Variants in SLC22A23 observed in about 807,000 individuals in gnomAD.
SLC22A23 encodes the protein ion transporter protein.
SLC22A23 carries 26 observed loss-of-function variants against 61.0 expected under a neutral mutation model. That is an observed-to-expected ratio of 0.43 (90% CI 0.31 to 0.59). The LOEUF (loss-of-function observed/expected upper bound fraction) is 0.59, where lower values mean the gene tolerates loss of function less well. SLC22A23 is among the 20% of genes least tolerant of loss of function. SLC22A23 has a pLI of 0.11. For missense variants in SLC22A23, 796 were observed against 934.7 expected (o/e 0.85, Z 1.94); for synonymous variants, 430 against 413.9 (o/e 1.04, Z -0.47).
At chr6:3,312,852 C>T (rs1403073173) in intron 4 of SLC22A23, 2 of 152,350 alleles carry the variant, frequency 1.3e-5, no homozygotes, top group East Asian at 3.9e-4. Context: ...TACATGTGCA[C>T]ACATGCACAC....
chr6:3,362,150 T>G (rs1164760637), intron 3 of SLC22A23, among the ~76,000 whole-genome samples: 2 of 151,822 alleles, frequency 1.3e-5, no homozygotes, highest in Non-Finnish European at 2.9e-5. Context: ...ACGCCTGTAA[T>G]CCTAGGACTT....
rs560142303 is a variant in SLC22A23, at chr6:3,423,853, C to T, written c.655-7998G>A. Among the ~76,000 whole-genome samples the T allele has an allele frequency of 1.7e-3, 253 of 152,296 alleles. 1 individual carries two copies. The highest frequency in any genetic ancestry group is 5.7e-3 in the African/African-American group (237 of 41,560). ...ACATTTAAGATGTCCCCATCAATTCCGGAAGAGAGCCAGTGGTGGGGAACT... is the reference window on the plus strand; with the variant it reads ...ACATTTAAGATGTCCCCATCAATTCTGGAAGAGAGCCAGTGGTGGGGAACT... On this transcript the variant is annotated intron_variant, in intron 1 of 9. Transcript: ENST00000406686.
At chr6:3,282,056 C>T (rs1217996675) in intron 9 of SLC22A23, among the ~76,000 whole-genome samples, 1 of 152,176 alleles carries the variant, frequency 6.6e-6, no homozygotes, top group Non-Finnish European at 1.5e-5. Flanking sequence ...TACCAACTGC[C>T]AGAGTTAAGG....
intron 1 of SLC22A23, chr6:3,438,503 C>CA: frequency 2.2e-6 from 1 of 456,740 alleles, no homozygotes; most frequent in Non-Finnish European, 4.4e-6. Flanking sequence ...CGGCCTCCAG[C>CA]GCTTGGTGTC....
chr6:3,310,066 A>G (rs1220313010), intron 4 of SLC22A23, among the ~76,000 whole-genome samples: 1 of 152,238 alleles, frequency 6.6e-6, no homozygotes, highest in African/African-American at 2.4e-5. Flanking sequence ...AGAGATTTCT[A>G]TGGAAAATGT....
At chr6:3,419,487 T>C (rs1205604870) in intron 1 of SLC22A23, among the ~76,000 whole-genome samples, 1 of 152,192 alleles carries the variant, frequency 6.6e-6, no homozygotes, top group Non-Finnish European at 1.5e-5. Context: ...GTGTGCAACC[T>C]TGTTCGAATT....
Position 3,304,355 on chromosome 6 carries a change from G to C in SLC22A23, c.1083-6137C>G, listed in dbSNP as rs1761822263. On this transcript the variant is annotated intron_variant, in intron 4 of 9. Transcript: ENST00000406686. The surrounding 1 kb of genome is among the most constrained non-coding windows in gnomAD (Gnocchi z 4.3). ...CAACAACCAATAAATGTCTTTATGA[G>C]AAGTGATGATGAGCAAGTCCCCTTC... 6.6e-6 allele frequency among the ~76,000 whole-genome samples: 1 copy of C among 152,228 alleles called. No homozygotes were observed. The highest frequency in any genetic ancestry group is 6.5e-5 in the Admixed American group (1 of 15,288).
intron 3 of SLC22A23, among the ~76,000 whole-genome samples, chr6:3,396,123 A>G (rs957838742): frequency 1.3e-5 from 2 of 152,210 alleles, no homozygotes; most frequent in Non-Finnish European, 2.9e-5. Context: ...TCCATCTCTT[A>G]GTGATATACG....
intron 3 of SLC22A23, among the ~76,000 whole-genome samples, chr6:3,353,826 T>G (rs1764916561): frequency 6.6e-6 from 1 of 152,142 alleles, no homozygotes; most frequent in Non-Finnish European, 1.5e-5. Flanking sequence ...AGGCAGACTC[T>G]CCCTTCTACC....
intron 3 of SLC22A23, among the ~76,000 whole-genome samples, chr6:3,381,550 C>T (rs1766952244): frequency 1.3e-5 from 2 of 152,152 alleles, no homozygotes; most frequent in South Asian, 2.1e-4. Context: ...TAAACCATGT[C>T]GCAGAGAAGA....
intron 3 of SLC22A23, among the ~76,000 whole-genome samples, chr6:3,375,579 C>A (rs1454175638): frequency 6.6e-6 from 1 of 152,176 alleles, no homozygotes; most frequent in Non-Finnish European, 1.5e-5. Context: ...ACTGCTCAAC[C>A]TATTTTCAGC....
chr6:3,456,449 G>A lies in SLC22A23; in HGVS notation c.111C>T (p.Pro37=). The change falls in exon 1 of 10, where the codon CCC becomes CCT. Residue 37 remains proline (P), a synonymous_variant. Coordinates refer to ENST00000406686, the MANE Select transcript of SLC22A23 (RefSeq NM_015482.2). The surrounding 1 kb of genome is among the most constrained non-coding windows in gnomAD (Gnocchi z 7.1). ...CGCCGGGGCCCGCGCGTCCCCCGAG[G>A]GGCGCCGAGGCCGCCGCGTCCCCGG... ...LPPGDAAASA[P]LGGRAGPGGG... 8.1e-7 allele frequency: 1 copy of A among 1,227,820 alleles called. No homozygotes were observed. The highest frequency in any genetic ancestry group is 3.8e-5 in the South Asian group (1 of 26,136). The allele number at this position is 1,227,820 out of a possible 1,614,324, so 76.1% of individuals were successfully genotyped here. A position where few individuals can be genotyped will look rare whatever the true frequency, so the allele number is the denominator to read the frequency against.
chr6:3,313,094 T>C (rs541249207), intron 4 of SLC22A23: 5 of 152,196 alleles, frequency 3.3e-5, no homozygotes, highest in African/African-American at 9.6e-5. Flanking sequence ...CGCTTCTCCT[T>C]GCAGGCATTT....
Position 3,329,531 on chromosome 6 carries a change from C to T in SLC22A23, c.914-5529G>A, listed in dbSNP as rs770511233. Among the ~76,000 whole-genome samples, 13 of 152,178 alleles carry T rather than the reference C, an allele frequency of 8.5e-5. No individual in the cohort carries two copies. Among genetic ancestry groups the T allele is most frequent in the Non-Finnish European group, 1.3e-4 (9 of 68,040 alleles). On this transcript the variant is annotated intron_variant, in intron 3 of 9. Coordinates refer to ENST00000406686, the MANE Select transcript of SLC22A23 (RefSeq NM_015482.2). This position sits in a 1 kb window ranked among gnomAD's most constrained non-coding sequence, Gnocchi z 4.8. ...ACAGAATTGTGCCCGCGGAACAAAG[C>T]GTGCCATGCAGGGTATGGGATGAGG...
Position 3,364,097 on chromosome 6 carries a change from C to T in SLC22A23, c.914-40095G>A, listed in dbSNP as rs139517661. Among the ~76,000 whole-genome samples the T allele has an allele frequency of 1.2e-4, 19 of 152,354 alleles. 1 individual carries two copies. In the East Asian group the frequency reaches 2.9e-3, roughly 23 times the overall value. The stretch of plus-strand genomic sequence containing the variant: ...TTTGCCTTCCCTCTCTCCTGGGGCA[C>T]TTTCACGAACCTCTTTGGGATGAGT... On this transcript the variant is annotated intron_variant, in intron 3 of 9. Coordinates refer to ENST00000406686, the MANE Select transcript of SLC22A23 (RefSeq NM_015482.2).
At chr6:3,408,967 T>C (rs550918282) in intron 3 of SLC22A23, among the ~76,000 whole-genome samples, 1 of 152,366 alleles carries the variant, frequency 6.6e-6, no homozygotes, top group Admixed American at 6.5e-5. Flanking sequence ...TGCTTAGACC[T>C]GTTCCTCTGC....
At chr6:3,455,475 C>A (rs901494755) in intron 1 of SLC22A23, among the ~76,000 whole-genome samples, 24 of 152,326 alleles carry the variant, frequency 1.6e-4, no homozygotes, top group African/African-American at 5.5e-4. Flanking sequence ...CTTTAGTAGG[C>A]TTTACCTGTG....
At chr6:3,282,447 A>T in intron 9 of SLC22A23, 1 of 615,110 alleles carries the variant, frequency 1.6e-6, no homozygotes, top group Non-Finnish European at 2.9e-6. Flanking sequence ...ATGAATCAAA[A>T]AGTGTGGACG....
intron 4 of SLC22A23, chr6:3,302,725 T>A (rs1164837928): frequency 6.6e-6 from 1 of 152,270 alleles, no homozygotes; most frequent in East Asian, 1.9e-4. Context: ...TCAATTTCCA[T>A]GTATTTGTAC....
Sources: gnomAD v4.1 joint callset for allele counts (sites outside exome capture counted in the v4.1 genomes callset) on GRCh38, gnomAD v4.1.1 for gene constraint, Gnocchi (gnomAD v3.1) non-coding constraint, MANE v1.5 for transcripts, NCBI Gene and HGNC (gene_info 2026-07-23, HGNC 2026-07-21) for gene names.